Variants in NME8 observed in about 807,000 individuals in gnomAD.
NME8 encodes the protein NME/NM23 family member 8, also known as protein NME8.
NME8 carries 72 observed loss-of-function variants against 82.3 expected under a neutral mutation model. The observed-to-expected ratio is 0.87, with a 90% CI of 0.72 to 1.06. The LOEUF is 1.06. NME8 is among the 50% of genes least tolerant of loss of function. NME8 has a pLI of 0.00. For synonymous variants in NME8, 267 were observed against 228.5 expected, an observed-to-expected ratio of 1.17 and a Z score of -1.52; for missense variants, 712 against 685.4, an observed-to-expected ratio of 1.04 and a Z score of -0.43.
chr7:37,852,487 T>A (rs1784451898), intron 5 of NME8, among the ~76,000 whole-genome samples: 1 of 152,208 alleles, frequency 6.6e-6, no homozygotes, highest in Non-Finnish European at 1.5e-5. Context: ...AGCAAAATCC[T>A]CTGTAATCTG....
chr7:37,858,416 T>C (rs2131944086), intron 6 of NME8, among the ~76,000 whole-genome samples: 1 of 150,666 alleles, frequency 6.6e-6, no homozygotes, highest in Admixed American at 6.6e-5. Flanking sequence ...CTAAGTTGGA[T>C]GTTTAGAATT....
Position 37,867,702 on chromosome 7 carries a change from T to C in NME8, c.622T>C (p.Cys208Arg), listed in dbSNP as rs10250905. ...VNFYSRIADQ[C>R]DFEEFVSFMT... ...AACAGTTTATCATTTTATTTTGTAG[T>C]GTGACTTCGAAGAGTTTGTCTCTTT... The change falls in exon 11 of 18, where the codon TGT becomes CGT. Residue 208 changes from cysteine (C) to arginine (R), a missense_variant and splice_region_variant. Transcript: ENST00000199447. 0.74 allele frequency: 1,188,961 copies of C among 1,607,556 alleles called. 441,764 individuals carry two copies. Among genetic ancestry groups the C allele is most frequent in the African/African-American group, 0.87 (65,431 of 74,836 alleles).
chr7:37,871,151 G>T (rs919467376), intron 11 of NME8, among the ~76,000 whole-genome samples: 1 of 152,152 alleles, frequency 6.6e-6, no homozygotes, highest in East Asian at 1.9e-4. Flanking sequence ...TGACCCCTCT[G>T]CGTACAGAGC....
At chr7:37,889,783 T>C (rs750872608) in intron 15 of NME8, among the ~76,000 whole-genome samples, 10 of 151,988 alleles carry the variant, frequency 6.6e-5, no homozygotes, top group Non-Finnish European at 1.2e-4. Context: ...ATATTATCAC[T>C]AGTGTCATGG....
chr7:37,893,584 C>G (rs1785168751), intron 15 of NME8, among the ~76,000 whole-genome samples: 1 of 152,114 alleles, frequency 6.6e-6, no homozygotes, highest in Non-Finnish European at 1.5e-5. Context: ...ACTTGGTGAT[C>G]ACACCTTATT....
intron 6 of NME8, among the ~76,000 whole-genome samples, chr7:37,859,691 G>GGCGT (rs905332451): frequency 6.6e-6 from 1 of 152,102 alleles, no homozygotes; most frequent in African/African-American, 2.4e-5. Context: ...TGAAGTCTTT[G>GGCGT]GCGTGTGGTT....
intron 5 of NME8, 121 bp downstream of exon 5, chr7:37,850,856 C>A (rs1295204475): frequency 2.3e-5 from 16 of 698,006 alleles, no homozygotes; most frequent in Non-Finnish European, 3.8e-5. Flanking sequence ...AATAGATAGT[C>A]TTTACTTGGC....
intron 2 of NME8, among the ~76,000 whole-genome samples, chr7:37,849,869 CAAA>C (rs869133999): frequency 0.19 from 7,323 of 39,048 alleles, 197 homozygotes; most frequent in Admixed American, 0.33. Flanking sequence ...GACTATGTCT[CAAA>C]AAAAAAAAAA....
intron 6 of NME8, among the ~76,000 whole-genome samples, 157 bp downstream of exon 6, chr7:37,857,502 G>A (rs140475619): frequency 1.3e-5 from 2 of 152,162 alleles, no homozygotes; most frequent in East Asian, 3.9e-4. Context: ...TTATAATTTG[G>A]CTGCTAGGAG....
intron 11 of NME8, among the ~76,000 whole-genome samples, chr7:37,870,728 A>G (rs2131954858): frequency 6.6e-6 from 1 of 151,718 alleles, no homozygotes; most frequent in East Asian, 1.9e-4. Flanking sequence ...GTGGGTACTC[A>G]CTCTGTGGTT....
In NME8 at chr7:37,876,887, G is replaced by A; in HGVS notation, c.874G>A (p.Asp292Asn). 1 of 1,613,040 alleles carries A rather than the reference G, an allele frequency of 6.2e-7. No individual in the cohort carries two copies. Among genetic ancestry groups the A allele is most frequent in the East Asian group, 2.2e-5 (1 of 44,704 alleles). ...AGCTCAGCTCTGTGACATTGAAGAG[G>A]ATGCAGCTAATGTTGCTAAGTTCAT... Reference protein sequence around the residue: ...HLAQLCDIEEDAANVAKFMDA... With the variant: ...HLAQLCDIEENAANVAKFMDA... The change falls in exon 12 of 18, where the codon GAT (aspartate) becomes AAT (asparagine). Residue 292 changes from aspartate to asparagine, a missense_variant. Physicochemically the swap from Asp to Asn is conservative, Grantham distance 23 (BLOSUM62 1). Transcript: ENST00000199447.
rs191297843 is a variant in NME8 at position 37,849,410 on chromosome 7, C to T, written c.-8+354C>T. Among the ~76,000 whole-genome samples, 53 of 152,308 alleles carry T rather than the reference C, an allele frequency of 3.5e-4. No individual in the cohort carries two copies. The East Asian group carries it at 0.01, about 29-fold the overall frequency. The stretch of plus-strand genomic sequence containing the variant: ...CAGACGACGTGTAACTCCTAACATT[C>T]TTACCTTGCTTCAGGACTGTTGGGA... On this transcript the variant is annotated intron_variant, in intron 2 of 17. Coordinates refer to ENST00000199447, the MANE Select transcript of NME8 (RefSeq NM_016616.5).
chr7:37,880,920 C>T (rs1474586861), intron 12 of NME8, among the ~76,000 whole-genome samples: 2 of 151,900 alleles, frequency 1.3e-5, no homozygotes, highest in Non-Finnish European at 2.9e-5. Context: ...CTTTAAATTT[C>T]AAATTCCAAT....
chr7:37,852,174 A>C (rs1271671921), intron 5 of NME8, among the ~76,000 whole-genome samples: 1 of 151,998 alleles, frequency 6.6e-6, no homozygotes, highest in African/African-American at 2.4e-5. Context: ...TTTTTAAAAA[A>C]TGTCTTTATA....
intron 11 of NME8, 107 bp from the exon 12 acceptor site, chr7:37,876,725 G>GT: frequency 1.3e-6 from 1 of 791,674 alleles, no homozygotes; most frequent in Non-Finnish European, 2.1e-6. Context: ...TTTAATTTTT[G>GT]TTTTATTAAA....
At chr7:37,888,531 C>A in intron 15 of NME8, 103 bp downstream of exon 15, 1 of 1,157,648 alleles carries the variant, frequency 8.6e-7, no homozygotes. Flanking sequence ...CAGAAAATTC[C>A]AAAAAAGAAA....
chr7:37,864,874 A>G (rs1192198093), intron 9 of NME8, among the ~76,000 whole-genome samples: 2 of 152,166 alleles, frequency 1.3e-5, no homozygotes, highest in Non-Finnish European at 2.9e-5. Flanking sequence ...CCATTTTTAA[A>G]GCCATCAGAT....
At chr7:37,890,643 G>T (rs1416305228) in intron 15 of NME8, among the ~76,000 whole-genome samples, 3 of 151,812 alleles carry the variant, frequency 2.0e-5, no homozygotes, top group Non-Finnish European at 4.4e-5. Context: ...AACTTCTTTA[G>T]GTTCCACATA....
At position 37,850,440 on chromosome 7, in the gene NME8, A is replaced by G. The variant is rs1247922186; in HGVS notation, c.91+5A>G. 1 of 1,614,126 alleles carries G rather than the reference A, an allele frequency of 6.2e-7. No individual in the cohort carries two copies. The highest frequency in any genetic ancestry group is 1.7e-5 in the Admixed American group (1 of 60,034). Reference sequence around the variant, plus strand: ...TGCAGAACAAAGGCTTAACAGGTATAAGGACTCCCCGGCTGTCTGGCCACC... The same window carrying G: ...TGCAGAACAAAGGCTTAACAGGTATGAGGACTCCCCGGCTGTCTGGCCACC... On this transcript the variant is annotated splice_donor_5th_base_variant and intron_variant, in intron 4 of 17. Coordinates refer to ENST00000199447, the MANE Select transcript of NME8 (RefSeq NM_016616.5).
Sources: allele counts gnomAD v4.1 joint callset (sites outside exome capture counted in the v4.1 genomes callset), GRCh38; gene constraint gnomAD v4.1.1; transcripts MANE v1.5; gene names NCBI Gene and HGNC (gene_info 2026-07-23, HGNC 2026-07-21).